Variants in NTRK2 observed in about 807,000 individuals in gnomAD.
NTRK2 encodes the protein neurotrophic receptor tyrosine kinase 2.
NTRK2 carries 13 observed loss-of-function variants against 94.5 expected under a neutral mutation model. That is an observed-to-expected ratio of 0.14 (90% CI 0.09 to 0.22). NTRK2 has a LOEUF of 0.22. Among genes scored for constraint, NTRK2 ranks in the 10% least tolerant of loss-of-function variants. NTRK2 has a pLI of 1.00. For synonymous variants in NTRK2, 372 were observed against 407.4 expected (o/e 0.91, Z 1.05); for missense variants, 639 against 1,071.2 (o/e 0.60, Z 5.63).
At chr9:84,679,007 T>G (rs1023957857) in intron 2 of NTRK2, among the ~76,000 whole-genome samples, 1 of 152,144 alleles carries the variant, frequency 6.6e-6, no homozygotes, top group African/African-American at 2.4e-5. Context: ...ATTGGTGCCC[T>G]TATAAAAGAG....
intron 17 of NTRK2, among the ~76,000 whole-genome samples, chr9:84,981,135 C>CA: frequency 6.6e-6 from 1 of 152,340 alleles, no homozygotes; most frequent in East Asian, 1.9e-4. Flanking sequence ...GGCTAGAGTA[C>CA]AGTGGTGCAA....
intron 12 of NTRK2, among the ~76,000 whole-genome samples, chr9:84,843,079 G>A (rs1329407878): frequency 6.6e-6 from 1 of 152,156 alleles, no homozygotes; most frequent in Non-Finnish European, 1.5e-5. Flanking sequence ...AGGAATGGGG[G>A]GTCATAGCAT....
intron 2 of NTRK2, among the ~76,000 whole-genome samples, chr9:84,692,468 C>CTTTTTTTTT (rs71369138): frequency 6.8e-4 from 60 of 87,674 alleles, no homozygotes; most frequent in Non-Finnish European, 8.0e-4. Flanking sequence ...TTCTTTTTTT[C>CTTTTTTTTT]TTTTTTTTTT....
chr9:84,967,971 C>T (rs560444212), intron 17 of NTRK2, among the ~76,000 whole-genome samples: 4 of 152,280 alleles, frequency 2.6e-5, no homozygotes, highest in East Asian at 3.9e-4. Flanking sequence ...TTCTGGAAAA[C>T]TCATTAGACT....
intron 17 of NTRK2, among the ~76,000 whole-genome samples, chr9:85,016,731 C>A (rs773927830): frequency 1.3e-5 from 2 of 152,116 alleles, no homozygotes; most frequent in Non-Finnish European, 2.9e-5. Context: ...AAGAAATGTT[C>A]AGAAATGTAC....
intron 12 of NTRK2, among the ~76,000 whole-genome samples, chr9:84,855,579 A>AT (rs2075025084): frequency 6.9e-6 from 1 of 145,370 alleles, no homozygotes; most frequent in African/African-American, 2.7e-5. Context: ...AACCTCAAGC[A>AT]TATTTTTTTT....
At chr9:85,009,365 A>G (rs550174718) in intron 17 of NTRK2, among the ~76,000 whole-genome samples, 2 of 152,310 alleles carry the variant, frequency 1.3e-5, no homozygotes, top group Non-Finnish European at 2.9e-5. Context: ...TTTCTGCAGT[A>G]TTGGGATGCT....
intron 15 of NTRK2, among the ~76,000 whole-genome samples, chr9:84,944,699 A>G (rs938249818): frequency 2.0e-5 from 3 of 152,200 alleles, no homozygotes; most frequent in African/African-American, 7.2e-5. Context: ...GTCCTCTGGG[A>G]AGAAGTGGTA....
chr9:84,743,931 A>AT (rs1264319007), intron 10 of NTRK2, among the ~76,000 whole-genome samples: 1 of 152,174 alleles, frequency 6.6e-6, no homozygotes, highest in Non-Finnish European at 1.5e-5. Context: ...TTTTTCTGTT[A>AT]TTTTTTATTC....
At chr9:84,927,668 T>A (rs533536342) in intron 14 of NTRK2, among the ~76,000 whole-genome samples, 1 of 152,216 alleles carries the variant, frequency 6.6e-6, no homozygotes, top group South Asian at 2.1e-4. Context: ...CTCTTACTAA[T>A]TATACAATCT....
At chr9:84,873,614 A>G in intron 14 of NTRK2, 1 of 1,053,166 alleles carries the variant, frequency 9.5e-7, no homozygotes, top group Non-Finnish European at 1.1e-6. Context: ...GAGTTTCTTA[A>G]AAGAAAGGAA....
intron 12 of NTRK2, among the ~76,000 whole-genome samples, chr9:84,803,497 T>C (rs1026351470): frequency 2.0e-5 from 3 of 151,924 alleles, no homozygotes; most frequent in Admixed American, 1.3e-4. Context: ...TCCTCACTTG[T>C]GGGGGTGGGC....
At position 84,724,343 on chromosome 9, in the gene NTRK2, C is replaced by T. The variant is rs1447053853; in HGVS notation, c.840C>T (p.Asn280=). 1.2e-6 allele frequency: 2 copies of T among 1,614,156 alleles called. No individual in the cohort carries two copies. Among genetic ancestry groups the T allele is most frequent in the Non-Finnish European group, 1.7e-6 (2 of 1,180,000 alleles). The change falls in exon 8 of 19, where the codon AAC becomes AAT. Residue 280 remains asparagine (N), a synonymous_variant. Coordinates refer to ENST00000277120, the MANE Select transcript of NTRK2 (RefSeq NM_006180.6). Reference sequence around the variant, plus strand: ...TAGGAGAAGATCAAGATTCTGTCAACCTCACTGTGCATTGTACGTAATCAG... The same window carrying T: ...TAGGAGAAGATCAAGATTCTGTCAATCTCACTGTGCATTGTACGTAATCAG... ...NLVGEDQDSV[N]LTVHFAPTIT...
intron 5 of NTRK2, among the ~76,000 whole-genome samples, chr9:84,709,478 T>A (rs996005139): frequency 6.6e-6 from 1 of 152,122 alleles, no homozygotes; most frequent in Non-Finnish European, 1.5e-5. Flanking sequence ...ATTTTGGTGT[T>A]GGAGGGATAC....
chr9:84,898,065 T>A (rs1380827137), intron 14 of NTRK2, among the ~76,000 whole-genome samples: 2 of 152,014 alleles, frequency 1.3e-5, no homozygotes, highest in Non-Finnish European at 2.9e-5. Flanking sequence ...ACTGTTTTTT[T>A]TTTTTTTTCT....
At chr9:84,998,256 C>G (rs2133380499) in intron 17 of NTRK2, among the ~76,000 whole-genome samples, 1 of 152,324 alleles carries the variant, frequency 6.6e-6, no homozygotes, top group Non-Finnish European at 1.5e-5. Context: ...AGTGTAGTAG[C>G]TCCTGCTTTT....
intron 14 of NTRK2, among the ~76,000 whole-genome samples, chr9:84,906,460 C>G (rs1684998339): frequency 6.6e-6 from 1 of 152,176 alleles, no homozygotes; most frequent in African/African-American, 2.4e-5. Context: ...GAGCTGACTG[C>G]TAGGGTATGG....
intron 12 of NTRK2, among the ~76,000 whole-genome samples, chr9:84,834,225 A>AT (rs1326272354): frequency 6.6e-6 from 1 of 152,192 alleles, no homozygotes; most frequent in Non-Finnish European, 1.5e-5. Context: ...ACAAGAAATG[A>AT]TTTTTAGTAT....
chr9:85,014,728 G>C (rs963439236), intron 17 of NTRK2, among the ~76,000 whole-genome samples: 1 of 151,952 alleles, frequency 6.6e-6, no homozygotes, highest in Non-Finnish European at 1.5e-5. Context: ...TTACACCAAG[G>C]GCCTTTTAGT....
Sources: allele counts gnomAD v4.1 joint callset (sites outside exome capture counted in the v4.1 genomes callset), GRCh38; gene constraint gnomAD v4.1.1; transcripts MANE v1.5; gene names NCBI Gene and HGNC (gene_info 2026-07-23, HGNC 2026-07-21).